Variants in ZMIZ1 observed in about 807,000 individuals in gnomAD.
ZMIZ1 encodes zinc finger MIZ domain-containing protein 1.
A neutral mutation model predicts 113.9 loss-of-function variants in ZMIZ1; 17 were observed. The observed-to-expected ratio is 0.15, with a 90% CI of 0.10 to 0.22. The LOEUF (loss-of-function observed/expected upper bound fraction) is 0.22, where lower values mean the gene tolerates loss of function less well. ZMIZ1 is among the 10% of genes least tolerant of loss of function. The pLI, the probability that ZMIZ1 is intolerant of heterozygous loss-of-function variation, is 1.00. For missense variants in ZMIZ1, 1,059 were observed against 1,477.8 expected, an observed-to-expected ratio of 0.72 and a Z score of 4.65; for synonymous variants, 607 against 603.1, an observed-to-expected ratio of 1.01 and a Z score of -0.09.
At position 79,300,840 on chromosome 10, in the gene ZMIZ1, T is replaced by G. The variant is rs1456519028; in HGVS notation, c.1917T>G (p.Ile639Met). The change falls in exon 17 of 25, where the codon ATT becomes ATG. Residue 639 changes from isoleucine (I) to methionine (M), a missense_variant. Transcript: ENST00000334512. ...QVSVNATPLT[I>M]ERGDNKTSHK... is the part of the protein sequence containing the mutation. ...GCGTGAACGCCACGCCCCTCACCATTGAGCGCGGCGACAACAAGACCTCCC... is the reference window on the plus strand; with the variant it reads ...GCGTGAACGCCACGCCCCTCACCATGGAGCGCGGCGACAACAAGACCTCCC... The G allele has an allele frequency of 6.2e-7, 1 of 1,613,650 alleles. No individual in the cohort carries two copies. The highest frequency in any genetic ancestry group is 1.7e-5 in the Admixed American group (1 of 60,008).
rs139231541 is a variant in ZMIZ1, at chr10:79,151,688, G to T, written c.-130-10365G>T. 6.2e-3 allele frequency among the ~76,000 whole-genome samples: 945 copies of T among 152,338 alleles called. 8 individuals carry two copies. The highest frequency in any genetic ancestry group is 8.6e-3 in the Non-Finnish European group (582 of 68,038). On this transcript the variant is annotated intron_variant, in intron 3 of 24. Coordinates refer to ENST00000334512, the MANE Select transcript of ZMIZ1 (RefSeq NM_020338.4). Reference sequence around the variant, plus strand: ...CACCACCCCTCCTTCTTCCTCTGGTGCCCCTGAGTCCCACCGGCGTGGGGT... The same window carrying T: ...CACCACCCCTCCTTCTTCCTCTGGTTCCCCTGAGTCCCACCGGCGTGGGGT...
intron 4 of ZMIZ1, among the ~76,000 whole-genome samples, chr10:79,188,226 G>C (rs1444319969): frequency 6.6e-6 from 1 of 152,216 alleles, no homozygotes; most frequent in East Asian, 1.9e-4. Context: ...AATCCTGCCT[G>C]CTGCCTGGGC....
intron 7 of ZMIZ1, among the ~76,000 whole-genome samples, chr10:79,249,716 A>G (rs192864049): frequency 1.1e-4 from 16 of 152,298 alleles, no homozygotes; most frequent in African/African-American, 3.9e-4. Flanking sequence ...TGTTCCCATC[A>G]TGGTAGAAAG....
intron 7 of ZMIZ1, among the ~76,000 whole-genome samples, chr10:79,217,219 C>T (rs965142062): frequency 3.9e-5 from 6 of 152,114 alleles, no homozygotes; most frequent in African/African-American, 1.2e-4. Context: ...GTCAGGAGAT[C>T]GAGACCATCC....
intron 3 of ZMIZ1, among the ~76,000 whole-genome samples, chr10:79,158,792 T>A (rs74425867): frequency 0.017 from 2,665 of 152,322 alleles, 75 homozygotes; most frequent in African/African-American, 0.061. Context: ...GGACAGTCCC[T>A]ACCCCCAAGT....
chr10:79,180,768 C>G (rs1308521376), intron 4 of ZMIZ1, among the ~76,000 whole-genome samples: 3 of 152,188 alleles, frequency 2.0e-5, no homozygotes, highest in Non-Finnish European at 2.9e-5. Flanking sequence ...AAGAGACTTT[C>G]CTTTCAGACA....
chr10:79,277,854 C>T (rs1472990734), intron 8 of ZMIZ1, among the ~76,000 whole-genome samples: 1 of 152,234 alleles, frequency 6.6e-6, no homozygotes, highest in Non-Finnish European at 1.5e-5. Context: ...GAGCACGTGG[C>T]CAGGACTGGC....
chr10:79,202,353 C>T (rs1180439782), intron 5 of ZMIZ1, among the ~76,000 whole-genome samples: 1 of 151,784 alleles, frequency 6.6e-6, no homozygotes, highest in Non-Finnish European at 1.5e-5. Flanking sequence ...CCTGTAATCT[C>T]AGCGCTTTGG....
rs188094534 is a variant in ZMIZ1, at chr10:79,316,368, A to C, written c.*3619A>C. On this transcript the variant is annotated 3_prime_UTR_variant, in exon 25 of 25. Transcript: ENST00000334512. ...ATTTATCTAATAAATATGTATTCAG[A>C]TGAAACCTGTATATTAGGTGTTCAT... The C allele has an allele frequency of 8.5e-5, 13 of 152,908 alleles. No individual in the cohort carries two copies. The East Asian group carries it at 1.9e-3, about 22-fold the overall frequency. The allele number at this position is 152,908 out of a possible 1,614,324, so 9.5% of individuals were successfully genotyped here.
chr10:79,163,417 T>C (rs1348413257), intron 4 of ZMIZ1, among the ~76,000 whole-genome samples: 3 of 152,268 alleles, frequency 2.0e-5, no homozygotes, highest in Non-Finnish European at 4.4e-5. Flanking sequence ...AGGCTGATTA[T>C]ACTGACATTG....
chr10:79,266,022 T>C (rs1272958660), intron 7 of ZMIZ1, among the ~76,000 whole-genome samples: 1 of 152,190 alleles, frequency 6.6e-6, no homozygotes, highest in African/African-American at 2.4e-5. Context: ...ACCTGCAAGA[T>C]TGAGAAGAAG....
intron 3 of ZMIZ1, among the ~76,000 whole-genome samples, chr10:79,155,849 A>AC (rs1456135651): frequency 2.6e-5 from 4 of 152,256 alleles, no homozygotes; most frequent in Admixed American, 2.6e-4. Context: ...AGGGAGAGGT[A>AC]CCCTCCTGCC....
At chr10:79,085,022 C>T (rs1391835080) in intron 1 of ZMIZ1, among the ~76,000 whole-genome samples, 1 of 152,174 alleles carries the variant, frequency 6.6e-6, no homozygotes, top group Non-Finnish European at 1.5e-5. Context: ...CTTGGCTCTG[C>T]CGGACGCTGC....
intron 4 of ZMIZ1, among the ~76,000 whole-genome samples, chr10:79,185,665 G>T (rs1847323168): frequency 6.6e-6 from 1 of 152,182 alleles, no homozygotes; most frequent in African/African-American, 2.4e-5. Flanking sequence ...TTGATCCACA[G>T]ATTTGCAGAG....
chr10:79,165,757 G>T (rs550562721), intron 4 of ZMIZ1, among the ~76,000 whole-genome samples: 2 of 152,228 alleles, frequency 1.3e-5, no homozygotes, highest in South Asian at 4.1e-4. Context: ...GGAGGGCATG[G>T]ATTTGGCGGC....
At chr10:79,136,988 C>A (rs1845037806) in intron 2 of ZMIZ1, among the ~76,000 whole-genome samples, 1 of 151,830 alleles carries the variant, frequency 6.6e-6, no homozygotes, top group African/African-American at 2.4e-5. Context: ...TAAACAGGGG[C>A]CTCATGAGAA....
At chr10:79,235,170 G>C (rs1021204125) in intron 7 of ZMIZ1, among the ~76,000 whole-genome samples, 1 of 152,228 alleles carries the variant, frequency 6.6e-6, no homozygotes, top group Admixed American at 6.5e-5. Flanking sequence ...CTGGAGGTGG[G>C]GGACACCTGG....
chr10:79,206,870 G>A (rs1848338219), intron 5 of ZMIZ1, among the ~76,000 whole-genome samples: 1 of 152,148 alleles, frequency 6.6e-6, no homozygotes, highest in Non-Finnish European at 1.5e-5. Context: ...TTACTTCCAT[G>A]GAAGGAGGAC....
At chr10:79,076,295 C>T (rs1373358267) in intron 1 of ZMIZ1, among the ~76,000 whole-genome samples, 1 of 152,180 alleles carries the variant, frequency 6.6e-6, no homozygotes, top group African/African-American at 2.4e-5. Flanking sequence ...GGCACAGCCC[C>T]CCTTAGCCAC....
Sources: gnomAD v4.1 joint callset for allele counts (sites outside exome capture counted in the v4.1 genomes callset) on GRCh38, gnomAD v4.1.1 for gene constraint, MANE v1.5 for transcripts, NCBI Gene and HGNC (gene_info 2026-07-23, HGNC 2026-07-21) for gene names.